Variants in SORCS2 observed in about 807,000 individuals in gnomAD.
The protein encoded by SORCS2 is sortilin related VPS10 domain containing receptor 2.
Under a neutral mutation model 141.6 loss-of-function variants are expected in SORCS2, and 100 were observed. The observed-to-expected ratio is 0.71, with a 90% CI of 0.60 to 0.83. The LOEUF is 0.83. Among genes scored for constraint, SORCS2 ranks in the 40% least tolerant of loss-of-function variants. The probability of loss-of-function intolerance (pLI) is 0.00; values close to 1 mark genes in which losing one functional copy is unlikely to be tolerated. For missense variants in SORCS2, 1,646 were observed against 1,560.2 expected (o/e 1.05, Z -0.93); for synonymous variants, 789 against 676.9 (o/e 1.17, Z -2.57).
intron 8 of SORCS2, among the ~76,000 whole-genome samples, chr4:7,675,267 G>A (rs1219080887): frequency 6.6e-6 from 1 of 152,246 alleles, no homozygotes; most frequent in Non-Finnish European, 1.5e-5. Flanking sequence ...GCTTCTGAGT[G>A]GAAACCGAGG....
chr4:7,446,568 G>T (rs1331528765), intron 2 of SORCS2, among the ~76,000 whole-genome samples: 1 of 152,144 alleles, frequency 6.6e-6, no homozygotes, highest in African/African-American at 2.4e-5. Flanking sequence ...CTGAGCCCTC[G>T]GGAGGGACTG....
At chr4:7,504,778 C>T (rs1732177216) in intron 2 of SORCS2, among the ~76,000 whole-genome samples, 1 of 152,204 alleles carries the variant, frequency 6.6e-6, no homozygotes, top group African/African-American at 2.4e-5. Context: ...AAATGACATA[C>T]CCAGTCCTGC....
intron 5 of SORCS2, among the ~76,000 whole-genome samples, chr4:7,657,749 AGT>A (rs1721881237): frequency 6.6e-6 from 1 of 151,420 alleles, no homozygotes; most frequent in African/African-American, 2.4e-5. Context: ...TGAGTGAATG[AGT>A]GAGTGAGTGG....
chr4:7,252,927 G>A (rs1713602705), intron 1 of SORCS2, among the ~76,000 whole-genome samples: 2 of 152,212 alleles, frequency 1.3e-5, no homozygotes, highest in East Asian at 3.8e-4. Flanking sequence ...GGTACGTGGC[G>A]TTATCTCTGT....
chr4:7,288,435 G>T (rs1716372986), intron 1 of SORCS2, among the ~76,000 whole-genome samples: 1 of 151,864 alleles, frequency 6.6e-6, no homozygotes, highest in Admixed American at 6.6e-5. Flanking sequence ...TTCAATAACA[G>T]TATTTCTCAC....
At chr4:7,380,205 C>T (rs1722900904) in intron 1 of SORCS2, among the ~76,000 whole-genome samples, 1 of 152,202 alleles carries the variant, frequency 6.6e-6, no homozygotes, top group Non-Finnish European at 1.5e-5. Context: ...GGAGCCTCCA[C>T]AGGAGCCTGG....
intron 2 of SORCS2, among the ~76,000 whole-genome samples, chr4:7,418,578 A>T (rs1426719476): frequency 6.6e-6 from 1 of 152,180 alleles, no homozygotes; most frequent in Non-Finnish European, 1.5e-5. Flanking sequence ...TTATAAAAAT[A>T]GTATCATGTC....
At chr4:7,365,088 G>T (rs997170308) in intron 1 of SORCS2, among the ~76,000 whole-genome samples, 1 of 152,248 alleles carries the variant, frequency 6.6e-6, no homozygotes, top group Non-Finnish European at 1.5e-5. Context: ...CATCACAAGG[G>T]TTCTTAGCGT....
intron 1 of SORCS2, among the ~76,000 whole-genome samples, chr4:7,381,677 G>A (rs1201903410): frequency 6.6e-6 from 1 of 152,202 alleles, no homozygotes; most frequent in Non-Finnish European, 1.5e-5. Context: ...AGAAGAGCAG[G>A]CTCTTCTAAT....
At chr4:7,394,096 T>C (rs7356467) in intron 1 of SORCS2, among the ~76,000 whole-genome samples, 36,846 of 150,858 alleles carry the variant, frequency 0.24, 4,707 homozygotes, top group Non-Finnish European at 0.27. Context: ...TTTGGCTTGG[T>C]CGGTTGAAGC....
At position 7,371,145 on chromosome 4, in the gene SORCS2, C is replaced by A. The variant is rs1310826225; in HGVS notation, c.481-25143C>A. ...GAGAGTTGGGGCACAGGATGTTTGT[C>A]CAGAGGTGGAAACGTGGGTGCAGGT... On this transcript the variant is annotated intron_variant, in intron 1 of 26. Coordinates refer to ENST00000507866, the MANE Select transcript of SORCS2 (RefSeq NM_020777.3). Among the ~76,000 whole-genome samples the A allele has an allele frequency of 3.3e-5, 5 of 152,314 alleles. No individual in the cohort carries two copies. In the South Asian group the frequency reaches 1.0e-3, roughly 32 times the overall value.
chr4:7,288,809 A>C (rs1036901984), intron 1 of SORCS2, among the ~76,000 whole-genome samples: 1 of 108,172 alleles, frequency 9.2e-6, no homozygotes. Context: ...GGAGTTGGGG[A>C]GGGCACAGTT....
At chr4:7,279,029 C>T (rs1444792420) in intron 1 of SORCS2, among the ~76,000 whole-genome samples, 5 of 152,148 alleles carry the variant, frequency 3.3e-5, no homozygotes, top group South Asian at 2.1e-4. Context: ...CCCCTGCAAA[C>T]GAATACCCCA....
At chr4:7,606,720 A>G (rs539572357) in intron 3 of SORCS2, among the ~76,000 whole-genome samples, 104 of 151,994 alleles carry the variant, frequency 6.8e-4, no homozygotes, top group Admixed American at 9.2e-4. Context: ...TGTGGTCTCC[A>G]TTCTGTGTGA....
chr4:7,382,380 TC>T (rs1723042831), intron 1 of SORCS2, among the ~76,000 whole-genome samples: 1 of 152,068 alleles, frequency 6.6e-6, no homozygotes, highest in Non-Finnish European at 1.5e-5. Context: ...CCAAGTGACA[TC>T]TCCGGCTGCC....
At chr4:7,531,672 T>C in intron 3 of SORCS2, 43 bp downstream of exon 3, 1 of 1,573,832 alleles carries the variant, frequency 6.4e-7, no homozygotes. Flanking sequence ...GCTCTCGCCT[T>C]GTGCCGCTCA....
Position 7,683,068 on chromosome 4 carries a change from T to C in SORCS2, c.1488+179T>C, listed in dbSNP as rs1382973508. ...TGAAACTCCTTGTTTTACAGAAAAG[T>C]TAATTGGAGGTCAGAGAGGGAAGTA... On this transcript the variant is annotated intron_variant, in intron 10 of 26. Transcript: ENST00000507866. Among the ~76,000 whole-genome samples, 5 of 152,264 alleles carry C rather than the reference T, an allele frequency of 3.3e-5. No homozygotes were observed. The East Asian group carries it at 9.6e-4, about 29-fold the overall frequency.
intron 2 of SORCS2, among the ~76,000 whole-genome samples, chr4:7,519,807 G>C (rs1733209692): frequency 6.6e-6 from 1 of 152,140 alleles, no homozygotes; most frequent in South Asian, 2.1e-4. Flanking sequence ...CGGCCTCCCA[G>C]AGGGCGCACA....
At chr4:7,355,017 A>C (rs1337858731) in intron 1 of SORCS2, among the ~76,000 whole-genome samples, 1 of 143,216 alleles carries the variant, frequency 7.0e-6, no homozygotes, top group Non-Finnish European at 1.6e-5. Flanking sequence ...ACATACATAC[A>C]CAGAAAAAAA....
Sources: allele counts gnomAD v4.1 joint callset (sites outside exome capture counted in the v4.1 genomes callset), GRCh38; gene constraint gnomAD v4.1.1; transcripts MANE v1.5; gene names NCBI Gene and HGNC (gene_info 2026-07-23, HGNC 2026-07-21).